Variants in KIF13B observed in about 807,000 individuals in gnomAD.
KIF13B encodes the protein kinesin family member 13B, also known as kinesin-like protein KIF13B.
Under a neutral mutation model 222.0 loss-of-function variants are expected in KIF13B, and 127 were observed. The ratio of observed to expected loss-of-function variants is 0.57; its 90% confidence interval spans 0.50 to 0.66. The LOEUF (loss-of-function observed/expected upper bound fraction) is 0.66. Ranked by LOEUF, KIF13B falls within the 30% of genes least tolerant of loss-of-function variation. The pLI, the probability that KIF13B is intolerant of heterozygous loss-of-function variation, is 0.00. For synonymous variants in KIF13B, 976 were observed against 919.0 expected, an observed-to-expected ratio of 1.06 and a Z score of -1.12; for missense variants, 2,173 against 2,379.0, an observed-to-expected ratio of 0.91 and a Z score of 1.80.
At chr8:29,229,879 T>C (rs1340447168) in intron 2 of KIF13B, among the ~76,000 whole-genome samples, 1 of 152,242 alleles carries the variant, frequency 6.6e-6, no homozygotes, top group African/African-American at 2.4e-5. Context: ...CCTGGTATTA[T>C]AATTGACTAC....
rs574327728 is a variant in KIF13B at position 29,075,946 on chromosome 8, G to A, written c.4459-603C>T. 3.3e-5 allele frequency among the ~76,000 whole-genome samples: 5 copies of A among 152,326 alleles called. No individual in the cohort carries two copies. In the East Asian group the frequency reaches 7.7e-4, roughly 24 times the overall value. ...TCCGGGTGGGGACACAACATGACCG[G>A]AAGAATATTTAAAGTCCAAAGAGGC... On this transcript the variant is annotated intron_variant, in intron 37 of 39. Coordinates refer to ENST00000524189, the MANE Select transcript of KIF13B (RefSeq NM_015254.4).
chr8:29,157,037 TCTTA>T (rs1331556406), intron 13 of KIF13B, among the ~76,000 whole-genome samples: 1 of 152,096 alleles, frequency 6.6e-6, no homozygotes, highest in Admixed American at 6.5e-5. Flanking sequence ...TCTTTCTTTC[TCTTA>T]CAAGCCCATA....
chr8:29,231,718 T>C (rs1464077042), intron 2 of KIF13B, among the ~76,000 whole-genome samples: 1 of 152,142 alleles, frequency 6.6e-6, no homozygotes, highest in Admixed American at 6.5e-5. Flanking sequence ...ACAGGTAAAA[T>C]TTATTTTTTA....
chr8:29,173,470 A>AC (rs1485225982), intron 10 of KIF13B, among the ~76,000 whole-genome samples: 3 of 150,604 alleles, frequency 2.0e-5, no homozygotes, highest in African/African-American at 7.3e-5. Context: ...AAAATTGAAA[A>AC]AAAAAAAAAA....
At chr8:29,224,508 C>G (rs1361094900) in intron 2 of KIF13B, among the ~76,000 whole-genome samples, 1 of 152,116 alleles carries the variant, frequency 6.6e-6, no homozygotes, top group African/African-American at 2.4e-5. Flanking sequence ...GAATGTGATA[C>G]GAAAACAGCT....
chr8:29,190,957 C>T, intron 4 of KIF13B, 40 bp downstream of exon 4: 1 of 1,528,942 alleles, frequency 6.5e-7, no homozygotes, highest in South Asian at 1.1e-5. Flanking sequence ...AACCCCTCTT[C>T]TACACCATCA....
chr8:29,070,495 G>T lies in KIF13B; in HGVS notation c.*9C>A. ...GCACCCCCAGAAAAGTTCGCCCTAA[G>T]GCAGCGGCTCAGCTGGCCCAGGATT... is the stretch of plus-strand genomic sequence containing the variant. On this transcript the variant is annotated 3_prime_UTR_variant, in exon 40 of 40. Transcript: ENST00000524189. The surrounding 1 kb of genome is among the most constrained non-coding windows in gnomAD (Gnocchi z 4.1). 6.2e-7 allele frequency: 1 copy of T among 1,609,536 alleles called. No homozygotes were observed. The highest frequency in any genetic ancestry group is 8.5e-7 in the Non-Finnish European group (1 of 1,178,380).
At chr8:29,088,359 T>C (rs1308535913) in intron 37 of KIF13B, among the ~76,000 whole-genome samples, 1 of 152,222 alleles carries the variant, frequency 6.6e-6, no homozygotes, top group African/African-American at 2.4e-5. Context: ...GGATTAAAGA[T>C]GCTTACTTAA....
chr8:29,245,691 A>G (rs1815990796), intron 1 of KIF13B, among the ~76,000 whole-genome samples: 1 of 152,160 alleles, frequency 6.6e-6, no homozygotes, highest in Admixed American at 6.5e-5. Context: ...CTGCTATCCA[A>G]TTTCTACTCA....
At position 29,075,291 on chromosome 8, in the gene KIF13B, C is replaced by T; in HGVS notation, c.4511G>A (p.Arg1504Lys). Residue 1504 changes from arginine to lysine, a missense_variant, in exon 38 of 40, where the codon AGG (arginine) becomes AAG (lysine). Arg to Lys is a conservative substitution (Grantham distance 26). Transcript: ENST00000524189. ...QSASPDIRVT[R>K]MEEAQPEMGP... ...ACCCAACAGACTCACCTCCTCCATC[C>T]TGGTCACCCTGATGTCCGGGCTGGC... The T allele has an allele frequency of 6.4e-7, 1 of 1,556,466 alleles. No individual in the cohort carries two copies.
chr8:29,195,035 G>C (rs969490772), intron 3 of KIF13B, among the ~76,000 whole-genome samples: 2 of 152,066 alleles, frequency 1.3e-5, no homozygotes, highest in Non-Finnish European at 2.9e-5. Flanking sequence ...ATCATTTGAG[G>C]ACAGGAGTTA....
chr8:29,159,256 T>C (rs1811665166), intron 13 of KIF13B, among the ~76,000 whole-genome samples: 1 of 152,142 alleles, frequency 6.6e-6, no homozygotes, highest in East Asian at 1.9e-4. Flanking sequence ...GTTCAAGCGA[T>C]TGGCCTGCCT....
At chr8:29,076,574 T>C (rs1807569915) in intron 37 of KIF13B, among the ~76,000 whole-genome samples, 1 of 152,114 alleles carries the variant, frequency 6.6e-6, no homozygotes, top group East Asian at 1.9e-4. Context: ...ACTCCAGCTG[T>C]AGGGAGAAGA....
chr8:29,134,272 G>A, intron 21 of KIF13B, 62 bp from the exon 22 acceptor site: 1 of 1,513,394 alleles, frequency 6.6e-7, no homozygotes, highest in Non-Finnish European at 9.1e-7. Flanking sequence ...ATTCAGAGTT[G>A]CAGGTTCCAG....
At chr8:29,141,804 G>A (rs749087507) in intron 19 of KIF13B, among the ~76,000 whole-genome samples, 34 of 152,250 alleles carry the variant, frequency 2.2e-4, no homozygotes, top group Non-Finnish European at 3.4e-4. Flanking sequence ...AAGGTTAAAC[G>A]GGTTGAGCAA....
At chr8:29,092,669 A>G in intron 37 of KIF13B, 76 bp downstream of exon 37, 1 of 1,449,730 alleles carries the variant, frequency 6.9e-7, no homozygotes, top group Non-Finnish European at 9.2e-7. Flanking sequence ...CCGCACCTCC[A>G]CCTCCAGCTT....
intron 19 of KIF13B, 77 bp from the exon 20 acceptor site, chr8:29,140,694 C>T: frequency 7.9e-7 from 1 of 1,266,668 alleles, no homozygotes; most frequent in Non-Finnish European, 1.1e-6. Flanking sequence ...CTTTTTGATG[C>T]ACTCTAGGTT....
At chr8:29,229,032 A>T (rs1179866126) in intron 2 of KIF13B, among the ~76,000 whole-genome samples, 2 of 148,482 alleles carry the variant, frequency 1.3e-5, no homozygotes, top group Non-Finnish European at 3.0e-5. Flanking sequence ...TGAATTAATG[A>T]ATATGATACA....
intron 13 of KIF13B, 120 bp from the exon 14 acceptor site, chr8:29,155,976 A>G: frequency 2.7e-6 from 2 of 727,864 alleles, no homozygotes; most frequent in South Asian, 1.8e-5. Context: ...TTTTATTTTT[A>G]TTTTATTTTT....
Sources: allele counts gnomAD v4.1 joint callset (sites outside exome capture counted in the v4.1 genomes callset), GRCh38; gene constraint gnomAD v4.1.1; non-coding constraint Gnocchi (gnomAD v3.1); transcripts MANE v1.5; gene names NCBI Gene and HGNC (gene_info 2026-07-23, HGNC 2026-07-21).